SPOCK3: variants seen among roughly 807,000 people sequenced by gnomAD.
SPOCK3 encodes testican-3.
A neutral mutation model predicts 56.6 loss-of-function variants in SPOCK3; 30 were observed. The observed-to-expected ratio is 0.53, with a 90% CI of 0.40 to 0.72. The LOEUF (loss-of-function observed/expected upper bound fraction) is 0.72, where lower values mean the gene tolerates loss of function less well. Ranked by LOEUF, SPOCK3 falls within the 30% of genes least tolerant of loss-of-function variation. The pLI is 0.00. For synonymous variants in SPOCK3, 196 were observed against 183.3 expected, an observed-to-expected ratio of 1.07 and a Z score of -0.56; for missense variants, 527 against 530.0, an observed-to-expected ratio of 0.99 and a Z score of 0.06.
intron 7 of SPOCK3, among the ~76,000 whole-genome samples, chr4:166,786,961 T>G (rs180727968): frequency 1.3e-5 from 2 of 152,312 alleles, no homozygotes; most frequent in Admixed American, 1.3e-4. Flanking sequence ...TAGCATCCTT[T>G]CTGCTTTCTC....
At chr4:167,062,613 A>T in intron 2 of SPOCK3, 76 bp from the exon 3 acceptor site, 2 of 1,136,280 alleles carry the variant, frequency 1.8e-6, no homozygotes, top group Non-Finnish European at 2.6e-6. Flanking sequence ...TCTAAAATTA[A>T]ATATGAAACA....
intron 7 of SPOCK3, among the ~76,000 whole-genome samples, chr4:166,765,131 C>A (rs1015122890): frequency 6.6e-6 from 1 of 152,120 alleles, no homozygotes. Flanking sequence ...TTCTCCCATT[C>A]TGTAGGTTGC....
intron 2 of SPOCK3, among the ~76,000 whole-genome samples, chr4:167,206,090 G>A (rs749096479): frequency 1.2e-4 from 18 of 151,986 alleles, no homozygotes; most frequent in African/African-American, 1.7e-4. Flanking sequence ...TTGGGAGGAC[G>A]GGGAGGGTGG....
chr4:166,965,402 T>A (rs13123663), intron 4 of SPOCK3, among the ~76,000 whole-genome samples: 74 of 151,212 alleles, frequency 4.9e-4, no homozygotes, highest in African/African-American at 1.7e-3. Context: ...GTTTTTTTTT[T>A]TTTGTTTCTG....
At chr4:166,830,296 A>C (rs1436561176) in intron 6 of SPOCK3, among the ~76,000 whole-genome samples, 1 of 152,150 alleles carries the variant, frequency 6.6e-6, no homozygotes, top group African/African-American at 2.4e-5. Context: ...TCATTTCAGA[A>C]ATGATTTTTA....
chr4:167,015,370 C>G (rs1234836015), intron 3 of SPOCK3, among the ~76,000 whole-genome samples: 6 of 152,108 alleles, frequency 3.9e-5, no homozygotes, highest in African/African-American at 1.4e-4. Context: ...AATAATAATA[C>G]TGGCTAAAGT....
At chr4:166,816,283 A>C (rs921571021) in intron 6 of SPOCK3, among the ~76,000 whole-genome samples, 3 of 152,060 alleles carry the variant, frequency 2.0e-5, no homozygotes, top group African/African-American at 7.2e-5. Flanking sequence ...CACAGATTCT[A>C]TTTCAACTGT....
intron 3 of SPOCK3, among the ~76,000 whole-genome samples, chr4:167,045,979 C>T (rs1172959113): frequency 6.6e-6 from 1 of 152,134 alleles, no homozygotes; most frequent in Non-Finnish European, 1.5e-5. Context: ...ATATTTCCTG[C>T]AAGTCATGTA....
chr4:166,776,434 C>CA (rs1739558608), intron 7 of SPOCK3, among the ~76,000 whole-genome samples: 1 of 151,528 alleles, frequency 6.6e-6, no homozygotes, highest in Non-Finnish European at 1.5e-5. Context: ...AACAAAAAAA[C>CA]AACAAACAAA....
chr4:167,061,300 A>G (rs2150244767), intron 3 of SPOCK3, among the ~76,000 whole-genome samples: 1 of 152,132 alleles, frequency 6.6e-6, no homozygotes, highest in African/African-American at 2.4e-5. Flanking sequence ...CTCTGTCTGC[A>G]TGTCATTATT....
rs139695689 is a variant in SPOCK3, at chr4:166,795,036, G to C, written c.590-2747C>G. ...TTGTGTATTCAGCACTTGTTTAATA[G>C]CAAGTTTGTTAACAGCATAGCACTC... On this transcript the variant is annotated intron_variant, in intron 6 of 10. Transcript: ENST00000357545. Among the ~76,000 whole-genome samples the C allele has an allele frequency of 1.0e-3, 152 of 152,246 alleles. 2 individuals are homozygous for C. The highest frequency in any genetic ancestry group is 3.4e-3 in the African/African-American group (141 of 41,542).
intron 3 of SPOCK3, among the ~76,000 whole-genome samples, chr4:167,049,479 C>A (rs971176026): frequency 6.6e-6 from 1 of 152,108 alleles, no homozygotes; most frequent in Non-Finnish European, 1.5e-5. Context: ...TTTTGAAATA[C>A]AAACTCAGAT....
intron 2 of SPOCK3, among the ~76,000 whole-genome samples, chr4:167,217,604 G>A (rs1735496378): frequency 6.6e-6 from 1 of 151,882 alleles, no homozygotes; most frequent in Non-Finnish European, 1.5e-5. Flanking sequence ...AGAGAAGACT[G>A]TATATGAAAA....
chr4:167,054,175 C>T (rs920295127), intron 3 of SPOCK3, among the ~76,000 whole-genome samples: 14 of 152,102 alleles, frequency 9.2e-5, no homozygotes, highest in Non-Finnish European at 2.9e-5. Flanking sequence ...AGATAGGGTA[C>T]CTCAGTTCAA....
chr4:166,898,102 A>G (rs1735595386), intron 5 of SPOCK3, among the ~76,000 whole-genome samples: 1 of 152,042 alleles, frequency 6.6e-6, no homozygotes, highest in African/African-American at 2.4e-5. Flanking sequence ...CAGGAAGCTG[A>G]GGCAGGAGGA....
At chr4:166,765,591 C>T (rs1332369789) in intron 7 of SPOCK3, among the ~76,000 whole-genome samples, 1 of 152,106 alleles carries the variant, frequency 6.6e-6, no homozygotes, top group African/African-American at 2.4e-5. Flanking sequence ...TTACTGTAGC[C>T]TTGTAGTATA....
chr4:166,905,986 G>A (rs1168764339), intron 5 of SPOCK3, among the ~76,000 whole-genome samples: 1 of 151,970 alleles, frequency 6.6e-6, no homozygotes, highest in Non-Finnish European at 1.5e-5. Context: ...TATACCAAGT[G>A]TGTGGATTTG....
intron 6 of SPOCK3, among the ~76,000 whole-genome samples, chr4:166,798,811 G>A (rs1464288268): frequency 6.6e-6 from 1 of 152,148 alleles, no homozygotes; most frequent in African/African-American, 2.4e-5. Context: ...AGTGAGTGGT[G>A]AGTATGCAAG....
Position 167,205,021 on chromosome 4 carries a change from G to A in SPOCK3, c.189+28964C>T, listed in dbSNP as rs1468868347. On this transcript the variant is annotated intron_variant, in intron 2 of 10. Transcript: ENST00000357545. Reference sequence around the variant, plus strand: ...ACCAGCTATTTTTTTTTTTGGTAGAGAAGGTGTCTTTCTATGTTGCCCAAG... The same window carrying A: ...ACCAGCTATTTTTTTTTTTGGTAGAAAAGGTGTCTTTCTATGTTGCCCAAG... 5.6e-5 allele frequency among the ~76,000 whole-genome samples: 8 copies of A among 143,298 alleles called. 1 individual carries two copies. Among genetic ancestry groups the A allele is most frequent in the Admixed American group, 3.7e-4 (5 of 13,426 alleles). The allele number at this position is 143,298 out of a possible 152,430, so 94.0% of individuals were successfully genotyped here. A position where few individuals can be genotyped will look rare whatever the true frequency, so the allele number is the denominator to read the frequency against.
Sources: gnomAD v4.1 joint callset for allele counts (sites outside exome capture counted in the v4.1 genomes callset) on GRCh38, gnomAD v4.1.1 for gene constraint, MANE v1.5 for transcripts, NCBI Gene and HGNC (gene_info 2026-07-23, HGNC 2026-07-21) for gene names.